The following CPAMD8 variants were observed in gnomAD, a reference collection of about 807,000 sequenced individuals.
The protein encoded by CPAMD8 is C3 and PZP-like alpha-2-macroglobulin domain-containing protein 8.
CPAMD8 carries 146 observed loss-of-function variants against 224.7 expected under a neutral mutation model. That is an observed-to-expected ratio of 0.65 (90% CI 0.57 to 0.75). The LOEUF (loss-of-function observed/expected upper bound fraction) is 0.75. Ranked by LOEUF, CPAMD8 falls within the 30% of genes least tolerant of loss-of-function variation. The pLI, the probability that CPAMD8 is intolerant of heterozygous loss-of-function variation, is 0.00. For synonymous variants in CPAMD8, 966 were observed against 1,044.6 expected, an observed-to-expected ratio of 0.92 and a Z score of 1.45; for missense variants, 2,301 against 2,537.5, an observed-to-expected ratio of 0.91 and a Z score of 2.00.
Position 17,011,578 on chromosome 19 carries a change from T to G in CPAMD8, c.433+14A>C, listed in dbSNP as rs764243899. ...CCATGGCCGGCCCTCCCTGCATCCA[T>G]GCTGGCCACTCACCTCGGTGCTGGG... is the stretch of plus-strand genomic sequence containing the variant. On this transcript the variant is annotated intron_variant, in intron 4 of 41. Transcript: ENST00000443236. 6.2e-7 allele frequency: 1 copy of G among 1,614,064 alleles called. No individual in the cohort carries two copies. The highest frequency in any genetic ancestry group is 1.7e-5 in the Admixed American group (1 of 60,000).
chr19:17,023,124 G>A (rs757313116), intron 1 of CPAMD8, among the ~76,000 whole-genome samples: 19 of 152,212 alleles, frequency 1.2e-4, no homozygotes, highest in Non-Finnish European at 1.5e-4. Context: ...AACAAAAAGA[G>A]CTCTGAAAAC....
chr19:16,955,641 G>A (rs1189994095), intron 19 of CPAMD8, among the ~76,000 whole-genome samples: 1 of 152,146 alleles, frequency 6.6e-6, no homozygotes, highest in African/African-American at 2.4e-5. Flanking sequence ...TTTATGTGGA[G>A]TATTTCACCA....
intron 22 of CPAMD8, among the ~76,000 whole-genome samples, chr19:16,940,315 GGA>G (rs2053845161): frequency 6.6e-6 from 1 of 152,140 alleles, no homozygotes; most frequent in Non-Finnish European, 1.5e-5. Context: ...TGTATGTGTG[GGA>G]GTGTGTTTAT....
chr19:16,970,062 G>A (rs550319746), intron 18 of CPAMD8, among the ~76,000 whole-genome samples: 59 of 146,776 alleles, frequency 4.0e-4, no homozygotes, highest in Middle Eastern at 7.1e-3. Flanking sequence ...GTGAAACCCC[G>A]TCTCTACTAA....
intron 29 of CPAMD8, among the ~76,000 whole-genome samples, chr19:16,912,738 A>C (rs541544021): frequency 6.6e-6 from 1 of 152,138 alleles, no homozygotes; most frequent in South Asian, 2.1e-4. Flanking sequence ...CAGGAGGCGG[A>C]GGTTGCAGTG....
chr19:17,005,809 G>A (rs997733758), intron 7 of CPAMD8, among the ~76,000 whole-genome samples: 1 of 152,058 alleles, frequency 6.6e-6, no homozygotes, highest in Non-Finnish European at 1.5e-5. Flanking sequence ...TCATATTCAG[G>A]CAAAGTGGGC....
At chr19:16,906,358 CTTT>C (rs1568459182) in intron 30 of CPAMD8, among the ~76,000 whole-genome samples, 3 of 37,648 alleles carry the variant, frequency 8.0e-5, no homozygotes, top group Non-Finnish European at 1.1e-4. Flanking sequence ...TTCTTTCTTT[CTTT>C]CTTTCTTTCT....
At chr19:16,935,960 C>G (rs2053670854) in intron 23 of CPAMD8, among the ~76,000 whole-genome samples, 1 of 151,162 alleles carries the variant, frequency 6.6e-6, no homozygotes, top group Non-Finnish European at 1.5e-5. Flanking sequence ...TAGCAACTCA[C>G]TCTGTCGCCT....
chr19:16,896,808 G>A, intron 39 of CPAMD8, 143 bp from the exon 40 acceptor site: 1 of 480,152 alleles, frequency 2.1e-6, no homozygotes, highest in Non-Finnish European at 3.5e-6. Flanking sequence ...TTAATGGGAG[G>A]TCCTGAGCCC....
At chr19:16,943,833 T>A (rs941411306) in intron 22 of CPAMD8, among the ~76,000 whole-genome samples, 1 of 152,146 alleles carries the variant, frequency 6.6e-6, no homozygotes, top group African/African-American at 2.4e-5. Context: ...CATCCGAATC[T>A]GGGGCTCTCA....
chr19:16,917,593 T>A (rs2053009113), intron 27 of CPAMD8, among the ~76,000 whole-genome samples: 1 of 152,084 alleles, frequency 6.6e-6, no homozygotes, highest in Non-Finnish European at 1.5e-5. Flanking sequence ...TCAAAAAAAT[T>A]AGCTGGGCAT....
rs1483965744 is a variant in CPAMD8 at position 16,945,424 on chromosome 19, G to T, written c.2793+125C>A. ...AAAGTCCAGGCACCTGAGCTCTCAA[G>T]CACAACCCGTGAAGGCTGCCCAGGC... On this transcript the variant is annotated intron_variant, in intron 22 of 41. Coordinates refer to ENST00000443236, the MANE Select transcript of CPAMD8 (RefSeq NM_015692.5). 5.3e-6 allele frequency: 7 copies of T among 1,331,052 alleles called. No homozygotes were observed. In the East Asian group the frequency reaches 1.7e-4, roughly 33 times the overall value. The allele number at this position is 1,331,052 out of a possible 1,614,324, so 82.5% of individuals were successfully genotyped here.
chr19:16,903,588 G>C lies in CPAMD8; in HGVS notation c.4443C>G (p.Ala1481=). The C allele has an allele frequency of 6.2e-7, 1 of 1,614,116 alleles. No individual in the cohort carries two copies. The highest frequency in any genetic ancestry group is 1.1e-5 in the South Asian group (1 of 91,082). Residue 1481 remains alanine, a synonymous_variant, in exon 34 of 42, where the codon GCC becomes GCG. Transcript: ENST00000443236. The part of the protein sequence containing the change: ...PSLPTGLFVS[A]KGDGCCLMQI... ...GCATCAGGCAGCAGCCGTCCCCCTT[G>C]GCACTCACAAACAGCCCCGTGGGGA...
chr19:17,026,507 C>G lies in CPAMD8; in HGVS notation c.92+44G>C. ...TCTGAGCCAGTACCCGCGACCCCCA[C>G]CCCAGAAGGCGACCGACCTCCTCTG... On this transcript the variant is annotated intron_variant, in intron 1 of 41. Transcript: ENST00000443236. 3 of 1,453,942 alleles carry G rather than the reference C, an allele frequency of 2.1e-6. No individual in the cohort carries two copies. The South Asian group carries it at 4.0e-5, about 20-fold the overall frequency. The allele number at this position is 1,453,942 out of a possible 1,614,324, so 90.1% of individuals were successfully genotyped here.
At chr19:16,925,442 C>T (rs2053327355) in intron 25 of CPAMD8, 70 bp from the exon 26 acceptor site, 2 of 1,282,754 alleles carry the variant, frequency 1.6e-6, no homozygotes, top group Non-Finnish European at 2.3e-6. Context: ...ACAGCTTTAC[C>T]CAGGGATGGG....
Position 16,973,388 on chromosome 19 carries a change from G to A in CPAMD8, c.2070+1709C>T, listed in dbSNP as rs142046444. On this transcript the variant is annotated intron_variant, in intron 17 of 41. Transcript: ENST00000443236. ...TTTCATTTTTTTGAGACAGAGTCTC[G>A]CTCTACCACCCAGGCTGGAGTGCAG... 9.4e-3 allele frequency among the ~76,000 whole-genome samples: 1,432 copies of A among 151,990 alleles called. 16 individuals carry two copies. Among genetic ancestry groups the A allele is most frequent in the Middle Eastern group, 0.031 (9 of 294 alleles).
chr19:16,943,374 G>T (rs995338444), intron 22 of CPAMD8, among the ~76,000 whole-genome samples: 12 of 151,702 alleles, frequency 7.9e-5, no homozygotes, highest in Non-Finnish European at 1.2e-4. Context: ...GTTGTAGCAT[G>T]GATCAGTGCT....
At chr19:16,925,669 A>AT (rs2053333798) in intron 25 of CPAMD8, among the ~76,000 whole-genome samples, 1 of 152,126 alleles carries the variant, frequency 6.6e-6, no homozygotes, top group Non-Finnish European at 1.5e-5. Context: ...AAAGCTATAC[A>AT]TTGGCCTCTA....
intron 18 of CPAMD8, among the ~76,000 whole-genome samples, chr19:16,970,238 C>CAAAA (rs34399675): frequency 3.8e-4 from 35 of 92,638 alleles, no homozygotes; most frequent in African/African-American, 4.3e-4. Context: ...GACTCTGTCT[C>CAAAA]AAAAAAAAAA....
Sources: gnomAD v4.1 joint callset for allele counts (sites outside exome capture counted in the v4.1 genomes callset) on GRCh38, gnomAD v4.1.1 for gene constraint, MANE v1.5 for transcripts, NCBI Gene and HGNC (gene_info 2026-07-23, HGNC 2026-07-21) for gene names.